The following GRIK3 variants were observed in gnomAD, a reference collection of about 807,000 sequenced individuals.
GRIK3 encodes glutamate ionotropic receptor kainate type subunit 3.
GRIK3 carries 29 observed loss-of-function variants against 102.5 expected under a neutral mutation model. The observed-to-expected ratio is 0.28, with a 90% CI of 0.21 to 0.39. GRIK3 has a LOEUF of 0.39. Ranked by LOEUF, GRIK3 falls within the 10% of genes least tolerant of loss-of-function variation. The pLI is 1.00. For missense variants in GRIK3, 908 were observed against 1,252.4 expected, an observed-to-expected ratio of 0.73 and a Z score of 4.15; for synonymous variants, 511 against 504.9, an observed-to-expected ratio of 1.01 and a Z score of -0.16.
chr1:37,023,766 T>C (rs1642739098), intron 1 of GRIK3, among the ~76,000 whole-genome samples: 1 of 151,982 alleles, frequency 6.6e-6, no homozygotes, highest in African/African-American at 2.4e-5. Flanking sequence ...ACCCCAACCA[T>C]ACTATAGGCT....
intron 10 of GRIK3, among the ~76,000 whole-genome samples, chr1:36,834,107 T>C (rs1036543585): frequency 6.6e-6 from 1 of 152,240 alleles, no homozygotes; most frequent in African/African-American, 2.4e-5. Flanking sequence ...TCATAGATAA[T>C]TGCCCATTTC....
chr1:36,975,273 G>A (rs61586441), intron 1 of GRIK3, among the ~76,000 whole-genome samples: 3,058 of 144,434 alleles, frequency 0.021, 98 homozygotes, highest in African/African-American at 0.073. Flanking sequence ...AAATCAATGA[G>A]CTTATCTAAA....
chr1:37,004,279 GATA>G (rs1642509048), intron 1 of GRIK3, among the ~76,000 whole-genome samples: 1 of 152,206 alleles, frequency 6.6e-6, no homozygotes, highest in South Asian at 2.1e-4. Flanking sequence ...ATAAAGCAGA[GATA>G]ATAATACCAG....
intron 1 of GRIK3, among the ~76,000 whole-genome samples, chr1:36,945,957 T>C (rs753159876): frequency 6.6e-5 from 10 of 152,140 alleles, no homozygotes; most frequent in Non-Finnish European, 1.5e-4. Context: ...TTCCCTAGGA[T>C]GTCAAACTCC....
intron 10 of GRIK3, among the ~76,000 whole-genome samples, chr1:36,837,691 T>C (rs915610420): frequency 6.6e-6 from 1 of 152,092 alleles, no homozygotes; most frequent in Non-Finnish European, 1.5e-5. Context: ...GACTCTTCAA[T>C]GCCTACCTCT....
chr1:36,931,808 G>A (rs1319555523), intron 1 of GRIK3, among the ~76,000 whole-genome samples: 1 of 152,076 alleles, frequency 6.6e-6, no homozygotes, highest in Non-Finnish European at 1.5e-5. Flanking sequence ...CATCTGGCGA[G>A]GAGTTCTGTC....
chr1:36,891,015 A>G lies in GRIK3; in HGVS notation c.197T>C (p.Ile66Thr), dbSNP rs775021758. ...EEHAFRFSAN[I>T]INRNRTLLPN... ...CAGCAGAGTCCTGTTCCTGTTGATG[A>G]TGTTGGCAGAAAATCGAAAGGCATG... The change falls in exon 2 of 16, where the codon ATC (isoleucine) becomes ACC (threonine). Residue 66 changes from isoleucine (I) to threonine (T), a missense_variant. By Grantham distance (89) the Ile-to-Thr change is moderately conservative. Coordinates refer to ENST00000373091, the MANE Select transcript of GRIK3 (RefSeq NM_000831.4). The G allele has an allele frequency of 6.2e-7, 1 of 1,614,030 alleles. No individual in the cohort carries two copies. Among genetic ancestry groups the G allele is most frequent in the Non-Finnish European group, 8.5e-7 (1 of 1,179,928 alleles).
At chr1:36,942,744 G>A (rs1033747080) in intron 1 of GRIK3, among the ~76,000 whole-genome samples, 30 of 152,008 alleles carry the variant, frequency 2.0e-4, no homozygotes, top group African/African-American at 2.9e-4. Context: ...TAGCTGGAGG[G>A]GAACTAGGAA....
intron 3 of GRIK3, among the ~76,000 whole-genome samples, chr1:36,879,658 T>G (rs1008774501): frequency 6.6e-6 from 1 of 152,124 alleles, no homozygotes; most frequent in Non-Finnish European, 1.5e-5. Context: ...AAGGGTTTTC[T>G]GGAAGGCAGA....
chr1:36,812,299 C>T (rs1642571442), intron 13 of GRIK3, among the ~76,000 whole-genome samples: 2 of 152,084 alleles, frequency 1.3e-5, no homozygotes, highest in South Asian at 4.1e-4. Context: ...ACCTGGCATT[C>T]TCGGGCTCCC....
chr1:36,914,577 T>G (rs766803960), intron 1 of GRIK3, among the ~76,000 whole-genome samples: 16 of 152,206 alleles, frequency 1.1e-4, no homozygotes, highest in African/African-American at 3.9e-4. Flanking sequence ...TTATCCTGCC[T>G]CTGAGGTGTG....
intron 10 of GRIK3, among the ~76,000 whole-genome samples, chr1:36,832,563 TC>T (rs796929771): frequency 6.6e-6 from 1 of 152,070 alleles, no homozygotes; most frequent in South Asian, 2.1e-4. Context: ...AACCGATGGG[TC>T]AACTACTAGT....
At chr1:36,821,383 G>C (rs1448903579) in intron 11 of GRIK3, among the ~76,000 whole-genome samples, 1 of 152,222 alleles carries the variant, frequency 6.6e-6, no homozygotes, top group Non-Finnish European at 1.5e-5. Flanking sequence ...TGGAGAGCTG[G>C]GTGTCCAGAG....
intron 10 of GRIK3, among the ~76,000 whole-genome samples, chr1:36,838,875 T>C (rs537229698): frequency 1.3e-5 from 2 of 152,330 alleles, no homozygotes; most frequent in East Asian, 3.9e-4. Context: ...AATAGGCTCA[T>C]CAATTGTAGG....
intron 10 of GRIK3, among the ~76,000 whole-genome samples, chr1:36,836,811 G>A (rs745918485): frequency 2.6e-5 from 4 of 152,156 alleles, no homozygotes; most frequent in Non-Finnish European, 4.4e-5. Context: ...TGATGCAGGG[G>A]GCTGGGAGAG....
At chr1:37,020,181 C>T (rs185308009) in intron 1 of GRIK3, among the ~76,000 whole-genome samples, 48 of 152,236 alleles carry the variant, frequency 3.2e-4, no homozygotes, top group Admixed American at 8.5e-4. Context: ...ACTCCTGGCA[C>T]GACTTTTCTG....
chr1:36,990,712 G>T (rs1642355296), intron 1 of GRIK3, among the ~76,000 whole-genome samples: 1 of 152,206 alleles, frequency 6.6e-6, no homozygotes, highest in Admixed American at 6.5e-5. Flanking sequence ...GACTATAGAT[G>T]CAGTCACAAG....
At chr1:36,885,709 A>G (rs1481880543) in intron 2 of GRIK3, among the ~76,000 whole-genome samples, 1 of 151,880 alleles carries the variant, frequency 6.6e-6, no homozygotes, top group African/African-American at 2.4e-5. Context: ...CCCCACAGGG[A>G]CCAGGGCAGG....
At chr1:36,816,992 C>A in intron 13 of GRIK3, 68 bp downstream of exon 13, 1 of 1,109,980 alleles carries the variant, frequency 9.0e-7, no homozygotes. Flanking sequence ...CCCCTTTCCT[C>A]TTCTGCTCAG....
Sources: allele counts gnomAD v4.1 joint callset (sites outside exome capture counted in the v4.1 genomes callset), GRCh38; gene constraint gnomAD v4.1.1; transcripts MANE v1.5; gene names NCBI Gene and HGNC (gene_info 2026-07-23, HGNC 2026-07-21).